PLCE1: variants seen among roughly 807,000 people sequenced by gnomAD.
The protein encoded by PLCE1 is phospholipase C epsilon 1.
PLCE1 carries 119 observed loss-of-function variants against 242.8 expected under a neutral mutation model. The observed-to-expected ratio is 0.49, with a 90% CI of 0.42 to 0.57. The LOEUF is 0.57. PLCE1 is among the 20% of genes least tolerant of loss of function. The pLI is 0.00. For synonymous variants in PLCE1, 945 were observed against 1,017.4 expected (o/e 0.93, Z 1.35); for missense variants, 2,441 against 2,788.8 (o/e 0.88, Z 2.81).
At position 94,306,224 on chromosome 10, in the gene PLCE1, C is replaced by A. The variant is rs1589512034; in HGVS notation, c.5623-203C>A. ...TGACCTCGTGATCTGCTCACCTCAG[C>A]CTCCCAAAGTGCTGGGATTACAGGC... On this transcript the variant is annotated intron_variant, in intron 25 of 32. Transcript: ENST00000371380. This position sits in a 1 kb window ranked among gnomAD's most constrained non-coding sequence, Gnocchi z 5.7. Among the ~76,000 whole-genome samples, 1 of 152,194 alleles carries A rather than the reference C, an allele frequency of 6.6e-6. No individual in the cohort carries two copies. The highest frequency in any genetic ancestry group is 1.5e-5 in the Non-Finnish European group (1 of 68,028).
chr10:94,270,464 T>G, intron 17 of PLCE1, 22 bp from the exon 18 acceptor site: 93 of 1,476,214 alleles, frequency 6.3e-5, no homozygotes, highest in Non-Finnish European at 8.0e-5. Context: ...TGGACTCTAA[T>G]GAGCTGTTTT....
chr10:94,262,748 G>C lies in PLCE1; in HGVS notation c.4053+16G>C, dbSNP rs2051347258. 1 of 1,439,598 alleles carries C rather than the reference G, an allele frequency of 6.9e-7. No individual in the cohort carries two copies. The highest frequency in any genetic ancestry group is 1.4e-5 in the African/African-American group (1 of 71,644). The allele number at this position is 1,439,598 out of a possible 1,614,324, so 89.2% of individuals were successfully genotyped here. A position where few individuals can be genotyped will look rare whatever the true frequency, so the allele number is the denominator to read the frequency against. On this transcript the variant is annotated intron_variant, in intron 14 of 32. Transcript: ENST00000371380. ...CATCATCCAGGTTTGTGCCTGTTTTGTGTGTGCATGTGTGTGTGATGCCTC... is the reference window on the plus strand; with the variant it reads ...CATCATCCAGGTTTGTGCCTGTTTTCTGTGTGCATGTGTGTGTGATGCCTC...
chr10:93,999,557 G>T (rs1362092699), intron 1 of PLCE1, among the ~76,000 whole-genome samples: 1 of 152,174 alleles, frequency 6.6e-6, no homozygotes, highest in Non-Finnish European at 1.5e-5. Flanking sequence ...AGTGTAGTTG[G>T]TTTTTTTCTT....
At chr10:94,157,091 G>T (rs1347254528) in intron 3 of PLCE1, among the ~76,000 whole-genome samples, 1 of 152,088 alleles carries the variant, frequency 6.6e-6, no homozygotes, top group Non-Finnish European at 1.5e-5. Flanking sequence ...ATATGAGTAA[G>T]TGAGGTATCA....
intron 4 of PLCE1, among the ~76,000 whole-genome samples, chr10:94,191,084 A>G (rs534167553): frequency 1.3e-5 from 2 of 152,336 alleles, no homozygotes; most frequent in East Asian, 3.9e-4. Context: ...CCAGCCTCAT[A>G]GGGTGACTAA....
At chr10:94,022,949 T>C (rs2061398128) in intron 1 of PLCE1, among the ~76,000 whole-genome samples, 1 of 152,150 alleles carries the variant, frequency 6.6e-6, no homozygotes, top group Admixed American at 6.6e-5. Flanking sequence ...ATGTAAAGTG[T>C]AGCATATTTA....
chr10:94,002,657 C>A (rs1458950147), intron 1 of PLCE1, among the ~76,000 whole-genome samples: 1 of 152,086 alleles, frequency 6.6e-6, no homozygotes, highest in Non-Finnish European at 1.5e-5. Context: ...TTATCCAATA[C>A]TTACAATTGA....
At chr10:94,011,215 C>T (rs924119051) in intron 1 of PLCE1, among the ~76,000 whole-genome samples, 22 of 152,092 alleles carry the variant, frequency 1.4e-4, no homozygotes, top group East Asian at 1.9e-4. Flanking sequence ...GAAGTGGAAG[C>T]AAGCATGTCA....
chr10:94,110,058 C>CTTTTCTTTTT (rs2045898289), intron 2 of PLCE1, among the ~76,000 whole-genome samples: 1 of 75,886 alleles, frequency 1.3e-5, no homozygotes. Flanking sequence ...TTTCTTTTTT[C>CTTTTCTTTTT]TTTTTTTTTT....
Position 94,203,619 on chromosome 10 carries a change from C to T in PLCE1, c.1810-23687C>T, listed in dbSNP as rs75590088. Among the ~76,000 whole-genome samples, 272 of 152,232 alleles carry T rather than the reference C, an allele frequency of 1.8e-3. 1 individual carries two copies. Among genetic ancestry groups the T allele is most frequent in the African/African-American group, 6.2e-3 (256 of 41,538 alleles). On this transcript the variant is annotated intron_variant, in intron 4 of 32. Transcript: ENST00000371380. ...CCCAAAGATATTTCATCCATGTCCC[C>T]ATAATTATATCTGAATTCCTGAATG...
intron 27 of PLCE1, among the ~76,000 whole-genome samples, chr10:94,311,274 C>T (rs1197898045): frequency 3.9e-5 from 6 of 152,170 alleles, no homozygotes; most frequent in African/African-American, 1.4e-4. Context: ...AGCCCCCTCC[C>T]CTCCTTGAGG....
intron 3 of PLCE1, among the ~76,000 whole-genome samples, chr10:94,158,542 C>T (rs2047502680): frequency 6.6e-6 from 1 of 152,006 alleles, no homozygotes; most frequent in South Asian, 2.1e-4. Context: ...GAATTTTTCT[C>T]TTTCAATGTT....
At chr10:94,005,776 A>AT (rs768706926) in intron 1 of PLCE1, among the ~76,000 whole-genome samples, 1 of 152,098 alleles carries the variant, frequency 6.6e-6, no homozygotes, top group Non-Finnish European at 1.5e-5. Context: ...CCCTCACCTG[A>AT]TTGAGTCTGT....
chr10:94,301,389 G>A (rs2053035486), intron 24 of PLCE1, among the ~76,000 whole-genome samples: 4 of 151,836 alleles, frequency 2.6e-5, no homozygotes, highest in Non-Finnish European at 2.9e-5. Context: ...TAGATAGATC[G>A]AATAGATCGA....
rs113413552 is a variant in PLCE1, at chr10:94,028,051, G to A, written c.-364-2632G>A. Among the ~76,000 whole-genome samples the A allele has an allele frequency of 2.6e-3, 389 of 152,178 alleles. 2 individuals are homozygous for A. Among genetic ancestry groups the A allele is most frequent in the African/African-American group, 5.0e-3 (209 of 41,534 alleles). ...TCATTTTCCAGTGGAGGGATCTTTG[G>A]CAATTCACTTAGCTTTTCTTTGCTT... On this transcript the variant is annotated intron_variant, in intron 1 of 32. Coordinates refer to ENST00000371380, the MANE Select transcript of PLCE1 (RefSeq NM_016341.4).
At chr10:94,265,984 G>A in intron 16 of PLCE1, 26 bp downstream of exon 16, 1 of 1,611,326 alleles carries the variant, frequency 6.2e-7, no homozygotes, top group South Asian at 1.1e-5. Flanking sequence ...CTTGGAATGT[G>A]GTTTTTATTA....
intron 2 of PLCE1, among the ~76,000 whole-genome samples, chr10:94,062,460 G>C (rs2134980275): frequency 6.6e-6 from 1 of 151,902 alleles, no homozygotes; most frequent in African/African-American, 2.4e-5. Flanking sequence ...TAGACTTTTT[G>C]TGCCTATTTT....
intron 2 of PLCE1, among the ~76,000 whole-genome samples, chr10:94,080,332 T>C (rs910304493): frequency 3.9e-5 from 6 of 152,228 alleles, no homozygotes; most frequent in Admixed American, 6.5e-5. Flanking sequence ...TCTTTTTACC[T>C]GGTTGTTAAC....
At chr10:94,148,740 G>C (rs894224416) in intron 3 of PLCE1, among the ~76,000 whole-genome samples, 2 of 152,186 alleles carry the variant, frequency 1.3e-5, no homozygotes, top group Non-Finnish European at 2.9e-5. Context: ...GGAAGGAAAG[G>C]CTATACAGAC....
Sources: gnomAD v4.1 joint callset for allele counts (sites outside exome capture counted in the v4.1 genomes callset) on GRCh38, gnomAD v4.1.1 for gene constraint, Gnocchi (gnomAD v3.1) non-coding constraint, MANE v1.5 for transcripts, NCBI Gene and HGNC (gene_info 2026-07-23, HGNC 2026-07-21) for gene names.